Variants in CLSTN2 observed in about 807,000 individuals in gnomAD.
CLSTN2 encodes the protein calsyntenin 2, also known as calsyntenin-2.
In CLSTN2, 48 loss-of-function variants were observed where a neutral mutation model predicts 101.2. That is an observed-to-expected ratio of 0.47 (90% confidence interval 0.38 to 0.60). CLSTN2 has a LOEUF of 0.60. CLSTN2 is among the 20% of genes least tolerant of loss of function. The pLI is 0.00. For synonymous variants in CLSTN2, 481 were observed against 463.6 expected (o/e 1.04, Z -0.48); for missense variants, 1,160 against 1,238.2 (o/e 0.94, Z 0.95).
chr3:140,083,186 G>T (rs187248355), intron 1 of CLSTN2, among the ~76,000 whole-genome samples: 5 of 152,230 alleles, frequency 3.3e-5, no homozygotes, highest in Admixed American at 2.6e-4. Context: ...TTTGTATGAT[G>T]ATTTGAATAT....
intron 2 of CLSTN2, among the ~76,000 whole-genome samples, chr3:140,377,804 C>G (rs1375058018): frequency 6.6e-6 from 1 of 152,056 alleles, no homozygotes; most frequent in East Asian, 1.9e-4. Flanking sequence ...TTTAGTGTAG[C>G]CTAAATGTGC....
rs1429368258 is a variant in CLSTN2, at chr3:140,562,328, C to G, written c.2212+20C>G. On this transcript the variant is annotated intron_variant, in intron 13 of 16. Transcript: ENST00000458420. ...TCTACGGTAAGGCCACACTCAGCCCCCTTTGCCCCAAGGGTGTCCTCTTAG... is the reference window on the plus strand; with the variant it reads ...TCTACGGTAAGGCCACACTCAGCCCGCTTTGCCCCAAGGGTGTCCTCTTAG... 5.0e-6 allele frequency: 8 copies of G among 1,604,516 alleles called. No individual in the cohort carries two copies. In the African/African-American group the frequency reaches 1.1e-4, roughly 21 times the overall value.
intron 2 of CLSTN2, among the ~76,000 whole-genome samples, chr3:140,332,468 T>C (rs1158374023): frequency 6.6e-6 from 1 of 152,234 alleles, no homozygotes; most frequent in Non-Finnish European, 1.5e-5. Flanking sequence ...TGGCAAATGG[T>C]AGAAATTTCA....
intron 2 of CLSTN2, among the ~76,000 whole-genome samples, chr3:140,265,107 G>A (rs1314598223): frequency 6.6e-6 from 1 of 152,136 alleles, no homozygotes; most frequent in Non-Finnish European, 1.5e-5. Flanking sequence ...TATTTTTAGA[G>A]GAAGTCACTG....
intron 8 of CLSTN2, among the ~76,000 whole-genome samples, chr3:140,513,837 T>C (rs1934866224): frequency 6.6e-6 from 1 of 152,020 alleles, no homozygotes; most frequent in Non-Finnish European, 1.5e-5. Flanking sequence ...TATTCAGGGA[T>C]TCAATTTCTT....
chr3:140,289,520 T>C (rs2086929661), intron 2 of CLSTN2, among the ~76,000 whole-genome samples: 1 of 152,176 alleles, frequency 6.6e-6, no homozygotes, highest in Admixed American at 6.5e-5. Flanking sequence ...CCTAATTCCA[T>C]ATCACAATCC....
intron 1 of CLSTN2, among the ~76,000 whole-genome samples, chr3:140,118,662 T>C (rs1224926700): frequency 6.6e-6 from 1 of 151,798 alleles, no homozygotes; most frequent in East Asian, 1.9e-4. Context: ...TGTTGGGGAG[T>C]TTGCATTGGA....
At chr3:140,423,711 T>C (rs1023629618) in intron 5 of CLSTN2, among the ~76,000 whole-genome samples, 1 of 152,180 alleles carries the variant, frequency 6.6e-6, no homozygotes, top group East Asian at 1.9e-4. Context: ...TGCCCAGACA[T>C]GTCACAGTAC....
At chr3:140,143,083 A>G (rs2009728078) in intron 1 of CLSTN2, among the ~76,000 whole-genome samples, 1 of 152,208 alleles carries the variant, frequency 6.6e-6, no homozygotes, top group Non-Finnish European at 1.5e-5. Context: ...ATGAATTCCA[A>G]TAATGTGTCT....
intron 1 of CLSTN2, among the ~76,000 whole-genome samples, chr3:140,001,089 T>G (rs1018862112): frequency 1.3e-5 from 2 of 152,186 alleles, no homozygotes; most frequent in Non-Finnish European, 2.9e-5. Flanking sequence ...CATGCGGAAA[T>G]TGAAGCTTGG....
chr3:140,063,319 A>G (rs2008241205), intron 1 of CLSTN2, among the ~76,000 whole-genome samples: 1 of 152,184 alleles, frequency 6.6e-6, no homozygotes, highest in African/African-American at 2.4e-5. Flanking sequence ...GCTAGATGGT[A>G]TTGCTGGGCT....
intron 1 of CLSTN2, among the ~76,000 whole-genome samples, chr3:140,149,519 G>A (rs1006206360): frequency 6.6e-5 from 10 of 151,990 alleles, no homozygotes; most frequent in African/African-American, 1.7e-4. Context: ...GCAGTGGCAC[G>A]ATCTTGGCTC....
At chr3:140,448,876 T>G (rs1933165132) in intron 6 of CLSTN2, among the ~76,000 whole-genome samples, 172 bp downstream of exon 6, 1 of 152,164 alleles carries the variant, frequency 6.6e-6, no homozygotes, top group South Asian at 2.1e-4. Flanking sequence ...GAAGGCCCAG[T>G]TTTTGGCAGT....
In CLSTN2 at chr3:140,566,874, G is replaced by A. The variant is rs1349093667; in HGVS notation, c.*621G>A. ...AGCCTTTCCCCTTGCTTCTTTCTGA[G>A]GCCATATAAGCTTATAAGAAAAGTC... On this transcript the variant is annotated 3_prime_UTR_variant, in exon 17 of 17. Transcript: ENST00000458420. The A allele has an allele frequency of 1.3e-5, 2 of 153,358 alleles. No individual in the cohort carries two copies. The allele number at this position is 153,358 out of a possible 1,614,324, so 9.5% of individuals were successfully genotyped here. A position where few individuals can be genotyped will look rare whatever the true frequency, so the allele number is the denominator to read the frequency against.
chr3:140,334,943 T>G (rs1483237833), intron 2 of CLSTN2, among the ~76,000 whole-genome samples: 1 of 152,200 alleles, frequency 6.6e-6, no homozygotes, highest in East Asian at 1.9e-4. Context: ...TGTTGCTCCC[T>G]CTTGGACAGG....
chr3:140,269,610 A>G (rs2086723380), intron 2 of CLSTN2, among the ~76,000 whole-genome samples: 1 of 152,214 alleles, frequency 6.6e-6, no homozygotes, highest in Non-Finnish European at 1.5e-5. Context: ...CCCCTTCTGG[A>G]AAGAAAAGCT....
chr3:140,459,183 A>G (rs1933492810), intron 6 of CLSTN2, among the ~76,000 whole-genome samples: 1 of 152,198 alleles, frequency 6.6e-6, no homozygotes, highest in Non-Finnish European at 1.5e-5. Context: ...CCATCCATCC[A>G]AATCAAATCC....
At chr3:140,081,510 A>G (rs1338702920) in intron 1 of CLSTN2, among the ~76,000 whole-genome samples, 2 of 152,086 alleles carry the variant, frequency 1.3e-5, no homozygotes, top group African/African-American at 4.8e-5. Flanking sequence ...CGTTTATTTT[A>G]TTTAGTACGG....
chr3:139,983,187 T>C (rs1290637576), intron 1 of CLSTN2, among the ~76,000 whole-genome samples: 1 of 152,084 alleles, frequency 6.6e-6, no homozygotes, highest in Non-Finnish European at 1.5e-5. Context: ...GTTATATTCA[T>C]ATATTTCGAT....
Sources: gnomAD v4.1 joint callset for allele counts (sites outside exome capture counted in the v4.1 genomes callset) on GRCh38, gnomAD v4.1.1 for gene constraint, MANE v1.5 for transcripts, NCBI Gene and HGNC (gene_info 2026-07-23, HGNC 2026-07-21) for gene names.